Variants in LIPG observed in about 807,000 individuals in gnomAD.
LIPG encodes endothelial lipase.
Under a neutral mutation model 51.8 loss-of-function variants are expected in LIPG, and 34 were observed. The ratio of observed to expected loss-of-function variants is 0.66; its 90% CI spans 0.50 to 0.87. LIPG has a LOEUF of 0.87. LIPG is among the 40% of genes least tolerant of loss of function. LIPG has a pLI of 0.00. For synonymous variants in LIPG, 246 were observed against 246.1 expected (o/e 1.00, Z 0.00); for missense variants, 580 against 652.7 (o/e 0.89, Z 1.21).
chr18:49,587,518 G>A (rs2084895155), intron 9 of LIPG, among the ~76,000 whole-genome samples: 1 of 127,088 alleles, frequency 7.9e-6, no homozygotes, highest in African/African-American at 3.0e-5. Context: ...GCAGTGAGCT[G>A]AGATTGCACC....
chr18:49,573,280 G>C (rs1484898716), intron 4 of LIPG, among the ~76,000 whole-genome samples: 1 of 152,214 alleles, frequency 6.6e-6, no homozygotes, highest in Non-Finnish European at 1.5e-5. Context: ...TCAGTACTGC[G>C]GTCCTTGCGG....
rs987734964 is a variant in LIPG at position 49,596,156 on chromosome 18, C to T, written c.*5634C>T. On this transcript the variant is annotated 3_prime_UTR_variant, in exon 10 of 10. Transcript: ENST00000261292. ...AGTAGAAGTTAAAACCATCAACCCC[C>T]CCAAAACAAAAATGAATTCCATCTG... 10 of 151,972 alleles carry T rather than the reference C, an allele frequency of 6.6e-5. No individual in the cohort carries two copies. Among genetic ancestry groups the T allele is most frequent in the African/African-American group, 2.2e-4 (9 of 41,360 alleles). 9.4% of individuals were successfully genotyped at this position (151,972 alleles called of 1,614,324 possible). A position where few individuals can be genotyped will look rare whatever the true frequency, so the allele number is the denominator to read the frequency against.
chr18:49,565,556 G>A (rs1311536720), intron 2 of LIPG, 58 bp downstream of exon 2: 6 of 1,590,700 alleles, frequency 3.8e-6, no homozygotes, highest in Admixed American at 3.3e-5. Context: ...CTTTGTTTTG[G>A]TCAATTAGAA....
At chr18:49,567,131 G>C (rs559262379) in intron 2 of LIPG, among the ~76,000 whole-genome samples, 113 of 152,242 alleles carry the variant, frequency 7.4e-4, no homozygotes, top group African/African-American at 2.6e-3. Flanking sequence ...GAGCCCAGGA[G>C]TTCAAGACCA....
chr18:49,569,495 A>G lies in LIPG; in HGVS notation c.518A>G (p.His173Arg). 5.0e-6 allele frequency: 8 copies of G among 1,614,218 alleles called. No individual in the cohort carries two copies. The highest frequency in any genetic ancestry group is 5.9e-6 in the Non-Finnish European group (7 of 1,180,036). The change falls in exon 4 of 10, where the codon CAC (histidine) becomes CGC (arginine). Residue 173 changes from histidine to arginine, a missense_variant. His to Arg is a conservative substitution (Grantham distance 29, BLOSUM62 0). Transcript: ENST00000261292. ...VHLIGYSLGAHVAGYAGNFVK... is the reference protein window; with the variant it reads ...VHLIGYSLGARVAGYAGNFVK... ...TTGATCGGCTACAGCCTCGGAGCGC[A>G]CGTGGCCGGGTATGCAGGCAACTTC...
intron 2 of LIPG, among the ~76,000 whole-genome samples, chr18:49,565,939 T>C (rs1158071091): frequency 6.6e-6 from 1 of 152,222 alleles, no homozygotes; most frequent in Non-Finnish European, 1.5e-5. Flanking sequence ...CCTGTTTGCA[T>C]AGAGATAGCC....
chr18:49,567,580 G>C lies in LIPG; in HGVS notation c.418G>C (p.Val140Leu). 6.2e-7 allele frequency: 1 copy of C among 1,614,142 alleles called. No individual in the cohort carries two copies. Among genetic ancestry groups the C allele is most frequent in the Non-Finnish European group, 8.5e-7 (1 of 1,180,042 alleles). The change falls in exon 3 of 10, where the codon GTG (valine) becomes CTG (leucine). Residue 140 changes from valine to leucine, a missense_variant. Physicochemically the swap from Val to Leu is conservative, Grantham distance 32 (BLOSUM62 1). Coordinates refer to ENST00000261292, the MANE Select transcript of LIPG (RefSeq NM_006033.4). The part of the protein sequence containing the change: ...LYTDAVNNTR[V>L]VGHSIARMLD... ...CACGGATGCGGTCAATAATACCAGG[G>C]TGGTGGGACACAGCATTGCCAGGAT...
chr18:49,589,812 C>T (rs1009994325), intron 9 of LIPG: 1 of 153,708 alleles, frequency 6.5e-6, no homozygotes, highest in Non-Finnish European at 1.4e-5. Flanking sequence ...CTTTGGAATT[C>T]ATATACCTGA....
chr18:49,567,000 T>TGC (rs1340481671), intron 2 of LIPG, among the ~76,000 whole-genome samples: 1 of 152,206 alleles, frequency 6.6e-6, no homozygotes, highest in African/African-American at 2.4e-5. Flanking sequence ...CCTGCTCATG[T>TGC]GCAAATGTTT....
rs189089682 is a variant in LIPG, at chr18:49,598,128, G to A, written c.*7606G>A. On this transcript the variant is annotated 3_prime_UTR_variant, in exon 10 of 10. Transcript: ENST00000261292. ...TTGAAGAATATATATCATCCAAAAA[G>A]AGGTCCTAGGAAATGTGGCTTCACA... 6.6e-6 allele frequency: 1 copy of A among 152,274 alleles called. No individual in the cohort carries two copies. Among genetic ancestry groups the A allele is most frequent in the Admixed American group, 6.5e-5 (1 of 15,284 alleles). 9.4% of individuals were successfully genotyped at this position (152,274 alleles called of 1,614,324 possible).
Position 49,591,607 on chromosome 18 carries a change from C to G in LIPG, c.*1085C>G, listed in dbSNP as rs2084944859. 1 of 152,208 alleles carries G rather than the reference C, an allele frequency of 6.6e-6. No individual in the cohort carries two copies. The highest frequency in any genetic ancestry group is 2.4e-5 in the African/African-American group (1 of 41,448). 9.4% of individuals were successfully genotyped at this position (152,208 alleles called of 1,614,324 possible). A position where few individuals can be genotyped will look rare whatever the true frequency, so the allele number is the denominator to read the frequency against. On this transcript the variant is annotated 3_prime_UTR_variant, in exon 10 of 10. Coordinates refer to ENST00000261292, the MANE Select transcript of LIPG (RefSeq NM_006033.4). ...GCTGGTTCTAAGATTTAATACAGTG[C>G]TTTTTTTCCTCTTTGAAATATTTTA... is the stretch of plus-strand genomic sequence containing the variant.
In LIPG at chr18:49,582,395, G is replaced by C. The variant is rs2084829297; in HGVS notation, c.1070G>C (p.Ser357Thr). 2 of 1,613,884 alleles carry C rather than the reference G, an allele frequency of 1.2e-6. No homozygotes were observed. The highest frequency in any genetic ancestry group is 8.5e-7 in the Non-Finnish European group (1 of 1,179,884). Residue 357 changes from serine to threonine, a missense_variant, in exon 7 of 10, where the codon AGT becomes ACT. Physicochemically the swap from Ser to Thr is moderately conservative, Grantham distance 58. Transcript: ENST00000261292. Reference protein sequence around the residue: ...YHYQMKIHVFSYKNMGEIEPT... With the variant: ...YHYQMKIHVFTYKNMGEIEPT... ...TATCAGATGAAAATCCATGTCTTCA[G>C]TTACAAGAACATGGGAGAAATTGAG... is the stretch of plus-strand genomic sequence containing the variant.
In LIPG at chr18:49,595,782, C is replaced by T. The variant is rs2084979400; in HGVS notation, c.*5260C>T. 1 of 152,162 alleles carries T rather than the reference C, an allele frequency of 6.6e-6. No individual in the cohort carries two copies. The highest frequency in any genetic ancestry group is 2.4e-5 in the African/African-American group (1 of 41,428). The allele number at this position is 152,162 out of a possible 1,614,324, so 9.4% of individuals were successfully genotyped here. A position where few individuals can be genotyped will look rare whatever the true frequency, so the allele number is the denominator to read the frequency against. ...GATGGAGTTTGCAGTGAGCTGAGAT[C>T]ACGCCACTGCACTCCAGCCTAGGCA... On this transcript the variant is annotated 3_prime_UTR_variant, in exon 10 of 10. Transcript: ENST00000261292.
Position 49,590,880 on chromosome 18 carries a change from C to T in LIPG, c.*358C>T, listed in dbSNP as rs2084936021. 2.6e-6 allele frequency: 1 copy of T among 377,466 alleles called. No individual in the cohort carries two copies. The highest frequency in any genetic ancestry group is 3.7e-5 in the Admixed American group (1 of 26,716). 23.4% of individuals were successfully genotyped at this position (377,466 alleles called of 1,614,324 possible). ...TACTCTGCCTGACGAGGAACGCTGGCTCCGAAGAGGCCCTGTGTAGAAGGC... is the reference window on the plus strand; with the variant it reads ...TACTCTGCCTGACGAGGAACGCTGGTTCCGAAGAGGCCCTGTGTAGAAGGC... On this transcript the variant is annotated 3_prime_UTR_variant, in exon 10 of 10. Coordinates refer to ENST00000261292, the MANE Select transcript of LIPG (RefSeq NM_006033.4).
chr18:49,581,084 C>A (rs60220828), intron 5 of LIPG, among the ~76,000 whole-genome samples: 3,221 of 152,148 alleles, frequency 0.021, 90 homozygotes, highest in African/African-American at 0.067. Flanking sequence ...TGTGGTGAAA[C>A]CCTGTATCTA....
chr18:49,583,322 C>T (rs188453380), intron 7 of LIPG, among the ~76,000 whole-genome samples: 80 of 152,178 alleles, frequency 5.3e-4, no homozygotes, highest in Non-Finnish European at 7.2e-4. Flanking sequence ...GCCCAGGAAT[C>T]GTTTTGATAA....
intron 3 of LIPG, 78 bp from the exon 4 acceptor site, chr18:49,569,359 T>C (rs2084639117): frequency 1.3e-5 from 15 of 1,191,726 alleles, no homozygotes; most frequent in Non-Finnish European, 1.9e-5. Flanking sequence ...GCTCCGTGAC[T>C]GAGTTGTTGA....
chr18:49,579,880 C>T lies in LIPG; in HGVS notation c.794-1535C>T, dbSNP rs145444982. ...CCAGGCTGGAGTGCAATGGTGTGAT[C>T]TCTGCTCACCGCAACCTCCACTTCC... On this transcript the variant is annotated intron_variant, in intron 5 of 9. Coordinates refer to ENST00000261292, the MANE Select transcript of LIPG (RefSeq NM_006033.4). Among the ~76,000 whole-genome samples the T allele has an allele frequency of 4.2e-3, 632 of 151,448 alleles. 5 individuals are homozygous for T. Among genetic ancestry groups the T allele is most frequent in the African/African-American group, 0.015 (605 of 41,138 alleles).
chr18:49,581,655 G>A lies in LIPG; in HGVS notation c.1034G>A (p.Arg345Lys), dbSNP rs952975010. The change falls in exon 6 of 10, where the codon AGA (arginine) becomes AAA (lysine). Residue 345 changes from arginine to lysine, a missense_variant and splice_region_variant. Coordinates refer to ENST00000261292, the MANE Select transcript of LIPG (RefSeq NM_006033.4). ...YLKTRAGMPF[R>K]VYHYQMKIHV... ...AAAACCCGGGCAGGCATGCCTTTCA[G>A]AGGTAACCTTCAGTCCCTGGAGTGT... 6 of 1,613,070 alleles carry A rather than the reference G, an allele frequency of 3.7e-6. No individual in the cohort carries two copies. Among genetic ancestry groups the A allele is most frequent in the Non-Finnish European group, 5.1e-6 (6 of 1,180,044 alleles).
Sources: allele counts gnomAD v4.1 joint callset (sites outside exome capture counted in the v4.1 genomes callset), GRCh38; gene constraint gnomAD v4.1.1; transcripts MANE v1.5; gene names NCBI Gene and HGNC (gene_info 2026-07-23, HGNC 2026-07-21).